The following AGPAT3 variants were observed in gnomAD, a reference collection of about 807,000 sequenced individuals.
The protein encoded by AGPAT3 is 1-acylglycerol-3-phosphate O-acyltransferase 3, also known as 1-acyl-sn-glycerol-3-phosphate acyltransferase gamma.
Under a neutral mutation model 47.3 loss-of-function variants are expected in AGPAT3, and 5 were observed. The observed-to-expected ratio is 0.11, with a 90% CI of 0.06 to 0.22. The LOEUF is 0.22. Among genes scored for constraint, AGPAT3 ranks in the 10% least tolerant of loss-of-function variants. The probability of loss-of-function intolerance (pLI) is 1.00; values close to 1 mark genes in which losing one functional copy is unlikely to be tolerated. For missense variants in AGPAT3, 315 were observed against 493.0 expected (o/e 0.64, Z 3.42); for synonymous variants, 212 against 208.3 (o/e 1.02, Z -0.15).
chr21:43,972,529 G>A (rs1340300822), intron 7 of AGPAT3, among the ~76,000 whole-genome samples: 2 of 152,276 alleles, frequency 1.3e-5, no homozygotes, highest in South Asian at 2.1e-4. Flanking sequence ...AATAAAATGG[G>A]AGTGGCGTGT....
chr21:43,958,617 G>A (rs1569091079), intron 2 of AGPAT3, among the ~76,000 whole-genome samples: 1 of 149,646 alleles, frequency 6.7e-6, no homozygotes, highest in Non-Finnish European at 1.5e-5. Flanking sequence ...TTTGTAGTGT[G>A]TGTATGTGGC....
chr21:43,881,877 G>A (rs566322074), intron 1 of AGPAT3, among the ~76,000 whole-genome samples: 2 of 152,268 alleles, frequency 1.3e-5, no homozygotes, highest in East Asian at 1.9e-4. Flanking sequence ...GGCTGGTCTC[G>A]AACTCCTGAC....
chr21:43,923,729 G>A (rs1478021183), intron 2 of AGPAT3, among the ~76,000 whole-genome samples: 4 of 152,254 alleles, frequency 2.6e-5, no homozygotes, highest in Admixed American at 2.6e-4. Flanking sequence ...GACAGCCAGG[G>A]GGAAAGGGGT....
intron 2 of AGPAT3, among the ~76,000 whole-genome samples, chr21:43,910,851 C>T (rs934854645): frequency 1.3e-5 from 2 of 152,060 alleles, no homozygotes; most frequent in African/African-American, 4.8e-5. Flanking sequence ...TTCCAACCAC[C>T]GCAGAGATGG....
chr21:43,968,478 C>A (rs1019157780), intron 4 of AGPAT3, among the ~76,000 whole-genome samples: 9 of 151,396 alleles, frequency 5.9e-5, no homozygotes, highest in Admixed American at 3.9e-4. Context: ...CAGTGGGGGT[C>A]CCAGCAGAGG....
At chr21:43,868,263 C>G (rs947229070) in intron 1 of AGPAT3, among the ~76,000 whole-genome samples, 2 of 152,180 alleles carry the variant, frequency 1.3e-5, no homozygotes, top group African/African-American at 4.8e-5. Context: ...AAATTGGCCA[C>G]GTCTTTTCCC....
At chr21:43,977,114 A>G (rs1412836384) in intron 7 of AGPAT3, among the ~76,000 whole-genome samples, 3 of 152,342 alleles carry the variant, frequency 2.0e-5, no homozygotes, top group East Asian at 3.9e-4. Flanking sequence ...TACCCTGCTT[A>G]TCTTACCAAG....
intron 2 of AGPAT3, among the ~76,000 whole-genome samples, chr21:43,912,839 A>C (rs1428358325): frequency 6.6e-6 from 1 of 152,248 alleles, no homozygotes; most frequent in Admixed American, 6.5e-5. Context: ...ATCGCTGTGC[A>C]TGCACGAGGC....
chr21:43,919,503 G>A (rs759328978), intron 2 of AGPAT3, among the ~76,000 whole-genome samples: 20 of 152,138 alleles, frequency 1.3e-4, no homozygotes, highest in Non-Finnish European at 2.5e-4. Context: ...GTAGTATTCC[G>A]TGGTGTATAT....
At chr21:43,890,566 C>T (rs2086080881) in intron 1 of AGPAT3, among the ~76,000 whole-genome samples, 1 of 151,804 alleles carries the variant, frequency 6.6e-6, no homozygotes, top group Admixed American at 6.6e-5. Flanking sequence ...GTGTGAGCCA[C>T]CATGCCTGGC....
chr21:43,970,165 G>A lies in AGPAT3; in HGVS notation c.511-488G>A, dbSNP rs1009836925. On this transcript the variant is annotated intron_variant, in intron 5 of 9. Transcript: ENST00000291572. The surrounding 1 kb of genome is among the most constrained non-coding windows in gnomAD (Gnocchi z 5.8). Reference sequence around the variant, plus strand: ...TGGGATTACAGGCACTCACCACCACGACTGGCTAATTTTTGTATTTTCAGT... The same window carrying A: ...TGGGATTACAGGCACTCACCACCACAACTGGCTAATTTTTGTATTTTCAGT... 5.4e-5 allele frequency among the ~76,000 whole-genome samples: 8 copies of A among 148,858 alleles called. No homozygotes were observed. Among genetic ancestry groups the A allele is most frequent in the South Asian group, 2.1e-4 (1 of 4,658 alleles).
intron 2 of AGPAT3, among the ~76,000 whole-genome samples, chr21:43,942,997 C>T (rs779754460): frequency 1.1e-4 from 16 of 152,214 alleles, no homozygotes; most frequent in Non-Finnish European, 1.8e-4. Flanking sequence ...ATTTCCACAG[C>T]AGAGGGAGGG....
rs767805804 is a variant in AGPAT3, at chr21:43,922,595, C to T, written c.-49+18576C>T. ...AGAGACTCTGGGCCTGGGTCCCCCCCGGCACAGTCTGTGACCTGTGACCAA... is the reference window on the plus strand; with the variant it reads ...AGAGACTCTGGGCCTGGGTCCCCCCTGGCACAGTCTGTGACCTGTGACCAA... On this transcript the variant is annotated intron_variant, in intron 2 of 9. Transcript: ENST00000291572. The surrounding 1 kb of genome is among the most constrained non-coding windows in gnomAD (Gnocchi z 4.9). Among the ~76,000 whole-genome samples, 4 of 152,186 alleles carry T rather than the reference C, an allele frequency of 2.6e-5. No homozygotes were observed.
intron 1 of AGPAT3, among the ~76,000 whole-genome samples, chr21:43,879,511 TTC>T (rs1189607652): frequency 6.6e-6 from 1 of 152,014 alleles, no homozygotes; most frequent in East Asian, 1.9e-4. Flanking sequence ...AGTCTGGTCT[TTC>T]TCGGTGGGAA....
chr21:43,903,501 G>A (rs1357819863), intron 1 of AGPAT3, among the ~76,000 whole-genome samples: 4 of 152,228 alleles, frequency 2.6e-5, no homozygotes, highest in African/African-American at 4.8e-5. Flanking sequence ...GGCTGGGCTG[G>A]GCTGGATTTT....
At chr21:43,893,541 C>T (rs1373080836) in intron 1 of AGPAT3, among the ~76,000 whole-genome samples, 3 of 152,252 alleles carry the variant, frequency 2.0e-5, no homozygotes, top group Non-Finnish European at 2.9e-5. Flanking sequence ...CCAAGAGGCC[C>T]AGCTTTCGGC....
At chr21:43,902,055 C>T (rs979923715) in intron 1 of AGPAT3, among the ~76,000 whole-genome samples, 1 of 152,044 alleles carries the variant, frequency 6.6e-6, no homozygotes, top group African/African-American at 2.4e-5. Context: ...AAACTCATCC[C>T]GAAGAAGCTC....
chr21:43,882,513 A>G (rs1234134277), intron 1 of AGPAT3: 1 of 152,242 alleles, frequency 6.6e-6, no homozygotes, highest in Non-Finnish European at 1.5e-5. Flanking sequence ...GGTGTGTGTT[A>G]TCGGAGGTTT....
At chr21:43,972,404 C>T (rs2089435486) in intron 7 of AGPAT3, among the ~76,000 whole-genome samples, 1 of 152,184 alleles carries the variant, frequency 6.6e-6, no homozygotes, top group Admixed American at 6.5e-5. Flanking sequence ...CCTCGGCCTC[C>T]CAAAGTGCTG....
Sources: gnomAD v4.1 joint callset for allele counts (sites outside exome capture counted in the v4.1 genomes callset) on GRCh38, gnomAD v4.1.1 for gene constraint, Gnocchi (gnomAD v3.1) non-coding constraint, MANE v1.5 for transcripts, NCBI Gene and HGNC (gene_info 2026-07-23, HGNC 2026-07-21) for gene names.